The following KCNT2 variants were observed in gnomAD, a reference collection of about 807,000 sequenced individuals.
KCNT2 encodes the protein potassium sodium-activated channel subfamily T member 2, also known as potassium channel subfamily T member 2.
A neutral mutation model predicts 153.8 loss-of-function variants in KCNT2; 67 were observed. The ratio of observed to expected loss-of-function variants is 0.44; its 90% confidence interval spans 0.36 to 0.53. The LOEUF (loss-of-function observed/expected upper bound fraction) is 0.53, where lower values mean the gene tolerates loss of function less well. KCNT2 is among the 20% of genes least tolerant of loss of function. The probability of loss-of-function intolerance (pLI) is 0.00; values close to 1 mark genes in which losing one functional copy is unlikely to be tolerated. For missense variants in KCNT2, 975 were observed against 1,354.8 expected (o/e 0.72, Z 4.40); for synonymous variants, 500 against 458.8 (o/e 1.09, Z -1.15).
chr1:196,418,309 C>G (rs1333542975), intron 12 of KCNT2, among the ~76,000 whole-genome samples: 1 of 151,910 alleles, frequency 6.6e-6, no homozygotes, highest in Non-Finnish European at 1.5e-5. Context: ...AACTCCATCT[C>G]TACTAAAAAC....
intron 1 of KCNT2, among the ~76,000 whole-genome samples, chr1:196,552,768 G>A (rs1658087226): frequency 6.6e-6 from 1 of 151,252 alleles, no homozygotes; most frequent in African/African-American, 2.4e-5. Context: ...TAAAAAGCAG[G>A]GAAATATAGT....
At chr1:196,510,032 A>T (rs919191716) in intron 1 of KCNT2, among the ~76,000 whole-genome samples, 2 of 152,168 alleles carry the variant, frequency 1.3e-5, no homozygotes, top group African/African-American at 4.8e-5. Context: ...GACACATGGA[A>T]GATATTTTCT....
rs144732077 is a variant in KCNT2 at position 196,311,429 on chromosome 1, C to G, written c.2483+4463G>C. On this transcript the variant is annotated intron_variant, in intron 21 of 27. Transcript: ENST00000294725. Reference sequence around the variant, plus strand: ...GATCTAATGCAGGAGTTGCTCCATTCCAACCAGATAACAATCCATGACCTG... The same window carrying G: ...GATCTAATGCAGGAGTTGCTCCATTGCAACCAGATAACAATCCATGACCTG... 2.0e-5 allele frequency among the ~76,000 whole-genome samples: 3 copies of G among 151,940 alleles called. No homozygotes were observed. In the East Asian group the frequency reaches 5.8e-4, roughly 30 times the overall value.
chr1:196,463,469 CA>C (rs1269590185), intron 8 of KCNT2, among the ~76,000 whole-genome samples: 1 of 151,584 alleles, frequency 6.6e-6, no homozygotes, highest in Non-Finnish European at 1.5e-5. Flanking sequence ...TGTGATTAAA[CA>C]ATAAAATTGT....
At chr1:196,231,371 T>C (rs1653938342) in intron 27 of KCNT2, among the ~76,000 whole-genome samples, 1 of 151,884 alleles carries the variant, frequency 6.6e-6, no homozygotes, top group Non-Finnish European at 1.5e-5. Context: ...CTCTGAGGTA[T>C]GCCTGAGTAT....
At chr1:196,251,261 A>T (rs1655944926) in intron 26 of KCNT2, among the ~76,000 whole-genome samples, 1 of 152,134 alleles carries the variant, frequency 6.6e-6, no homozygotes, top group African/African-American at 2.4e-5. Flanking sequence ...ACAATGGAGT[A>T]AAGACGCCTT....
At chr1:196,349,548 T>G (rs964741345) in intron 14 of KCNT2, among the ~76,000 whole-genome samples, 1 of 152,100 alleles carries the variant, frequency 6.6e-6, no homozygotes, top group African/African-American at 2.4e-5. Context: ...ATGACATCAC[T>G]GGTAAGCAAG....
At chr1:196,355,678 A>G (rs2148242178) in intron 14 of KCNT2, among the ~76,000 whole-genome samples, 1 of 151,812 alleles carries the variant, frequency 6.6e-6, no homozygotes, top group Non-Finnish European at 1.5e-5. Context: ...TCCTGTTACC[A>G]CCACACACAA....
chr1:196,581,229 T>C (rs1268236093), intron 1 of KCNT2, among the ~76,000 whole-genome samples: 1 of 152,072 alleles, frequency 6.6e-6, no homozygotes, highest in Non-Finnish European at 1.5e-5. Flanking sequence ...CAGATTGTAG[T>C]GTTTCGCTTT....
At chr1:196,466,270 T>C (rs1226072373) in intron 7 of KCNT2, among the ~76,000 whole-genome samples, 1 of 152,024 alleles carries the variant, frequency 6.6e-6, no homozygotes, top group Non-Finnish European at 1.5e-5. Flanking sequence ...ATTAGCAATT[T>C]AGGCAATCTA....
chr1:196,549,279 C>T (rs1572795716), intron 1 of KCNT2, among the ~76,000 whole-genome samples: 3 of 151,638 alleles, frequency 2.0e-5, no homozygotes, highest in Admixed American at 2.0e-4. Context: ...ACACATGGAC[C>T]CTAAGTATTC....
At chr1:196,305,089 A>G in intron 22 of KCNT2, 145 bp downstream of exon 22, 1 of 608,822 alleles carries the variant, frequency 1.6e-6, no homozygotes, top group Non-Finnish European at 2.9e-6. Context: ...TAAAAAAATT[A>G]TCAATTAGAA....
intron 25 of KCNT2, among the ~76,000 whole-genome samples, chr1:196,280,506 G>A (rs1257603776): frequency 1.3e-5 from 2 of 152,054 alleles, no homozygotes; most frequent in African/African-American, 4.8e-5. Flanking sequence ...AGAAATCTAG[G>A]TTGCTTGCCC....
chr1:196,337,515 A>G (rs1665151418), intron 16 of KCNT2, among the ~76,000 whole-genome samples: 1 of 152,046 alleles, frequency 6.6e-6, no homozygotes, highest in Non-Finnish European at 1.5e-5. Flanking sequence ...AATAAGCCCA[A>G]CAGGATCTGG....
rs1553288400 is a variant in KCNT2, at chr1:196,334,487, C to CTTTCTTTTTTTTTTTTTTT, written c.1784-428_1784-427insAAAAAAAAAAAAAAAGAAA. On this transcript the variant is annotated intron_variant, in intron 16 of 27. Coordinates refer to ENST00000294725, the MANE Select transcript of KCNT2 (RefSeq NM_198503.5). The stretch of plus-strand genomic sequence containing the variant: ...TTTTCTTTTATTTCTTTCTTTCTTT[C>CTTTCTTTTTTTTTTTTTTT]TTTTTTTTTTTTAAGACAGAGTCTC... Among the ~76,000 whole-genome samples, 18 of 87,286 alleles carry CTTTCTTTTTTTTTTTTTTT rather than the reference C, an allele frequency of 2.1e-4. 1 individual carries two copies. Among genetic ancestry groups the CTTTCTTTTTTTTTTTTTTT allele is most frequent in the African/African-American group, 3.5e-4 (8 of 22,942 alleles). The allele number at this position is 87,286 out of a possible 152,430, so 57.3% of individuals were successfully genotyped here.
chr1:196,352,482 T>A (rs554288527), intron 14 of KCNT2, among the ~76,000 whole-genome samples: 55 of 152,172 alleles, frequency 3.6e-4, no homozygotes, highest in Admixed American at 1.7e-3. Flanking sequence ...GATTTTCTAG[T>A]TTATTTGCAC....
chr1:196,297,331 T>G (rs1660765662), intron 22 of KCNT2, among the ~76,000 whole-genome samples: 1 of 152,160 alleles, frequency 6.6e-6, no homozygotes, highest in Non-Finnish European at 1.5e-5. Context: ...TTTAATATTT[T>G]GATTTTAATG....
intron 1 of KCNT2, among the ~76,000 whole-genome samples, chr1:196,586,784 C>A (rs934469003): frequency 1.7e-4 from 26 of 152,012 alleles, no homozygotes; most frequent in African/African-American, 5.8e-4. Flanking sequence ...CTTACCATTA[C>A]AAACTATATA....
chr1:196,561,133 T>C (rs1171000033), intron 1 of KCNT2, among the ~76,000 whole-genome samples: 1 of 151,822 alleles, frequency 6.6e-6, no homozygotes, highest in Non-Finnish European at 1.5e-5. Context: ...TAATTAAAAA[T>C]GTATAGGCCA....
Sources: allele counts gnomAD v4.1 joint callset (sites outside exome capture counted in the v4.1 genomes callset), GRCh38; gene constraint gnomAD v4.1.1; transcripts MANE v1.5; gene names NCBI Gene and HGNC (gene_info 2026-07-23, HGNC 2026-07-21).